The following ZFAND3 variants were observed in gnomAD, a reference collection of about 807,000 sequenced individuals.
The protein encoded by ZFAND3 is AN1-type zinc finger protein 3.
In ZFAND3, 10 loss-of-function variants were observed where a neutral mutation model predicts 29.6. The ratio of observed to expected loss-of-function variants is 0.34; its 90% confidence interval spans 0.21 to 0.57. The LOEUF (loss-of-function observed/expected upper bound fraction) is 0.57, where lower values mean the gene tolerates loss of function less well. ZFAND3 is among the 20% of genes least tolerant of loss of function. The probability of loss-of-function intolerance (pLI) is 0.86; values close to 1 mark genes in which losing one functional copy is unlikely to be tolerated. For missense variants in ZFAND3, 230 were observed against 304.5 expected, an observed-to-expected ratio of 0.76 and a Z score of 1.82; for synonymous variants, 128 against 112.6, an observed-to-expected ratio of 1.14 and a Z score of -0.87.
At chr6:38,132,865 A>T (rs11759816) in intron 5 of ZFAND3, among the ~76,000 whole-genome samples, 10,378 of 151,848 alleles carry the variant, frequency 0.068, 424 homozygotes, top group Non-Finnish European at 0.087. Flanking sequence ...ATTCCCCCTC[A>T]CTCTGCCCTC....
intron 2 of ZFAND3, among the ~76,000 whole-genome samples, chr6:37,970,912 ACAAAC>A (rs60184681): frequency 0.069 from 10,434 of 151,296 alleles, 423 homozygotes; most frequent in Non-Finnish European, 0.087. Context: ...CTCAAAACAA[ACAAAC>A]CAAACAAACA....
intron 4 of ZFAND3, among the ~76,000 whole-genome samples, chr6:38,105,355 T>C (rs941719307): frequency 6.6e-6 from 1 of 152,064 alleles, no homozygotes; most frequent in Non-Finnish European, 1.5e-5. Context: ...CCGTGACCTG[T>C]GATCATGCCA....
chr6:38,088,243 A>G (rs1360786934), intron 4 of ZFAND3: 1 of 152,194 alleles, frequency 6.6e-6, no homozygotes, highest in Non-Finnish European at 1.5e-5. Flanking sequence ...TTGCAACAAC[A>G]TGGATGGAAC....
At chr6:37,880,523 C>T (rs925542147) in intron 1 of ZFAND3, among the ~76,000 whole-genome samples, 1 of 152,008 alleles carries the variant, frequency 6.6e-6, no homozygotes, top group African/African-American at 2.4e-5. Context: ...GAAAAGTCCT[C>T]CAGGATGAGA....
chr6:38,099,389 C>T (rs1374045989), intron 4 of ZFAND3, among the ~76,000 whole-genome samples: 1 of 152,198 alleles, frequency 6.6e-6, no homozygotes. Flanking sequence ...ATTTCTAGTG[C>T]ATACACATAC....
At chr6:38,141,011 A>C (rs973873508) in intron 5 of ZFAND3, among the ~76,000 whole-genome samples, 1 of 138,694 alleles carries the variant, frequency 7.2e-6, no homozygotes, top group Non-Finnish European at 1.6e-5. Context: ...CAGTCTTATA[A>C]CAGTGGACAG....
intron 2 of ZFAND3, among the ~76,000 whole-genome samples, chr6:37,989,367 C>T (rs1358888722): frequency 6.6e-6 from 1 of 152,180 alleles, no homozygotes; most frequent in Non-Finnish European, 1.5e-5. Context: ...TCCAAGATTA[C>T]ATGCTGGCTA....
intron 2 of ZFAND3, among the ~76,000 whole-genome samples, chr6:38,055,710 C>T (rs1764121188): frequency 6.6e-6 from 1 of 152,178 alleles, no homozygotes; most frequent in African/African-American, 2.4e-5. Flanking sequence ...AGTTGAATTT[C>T]TCATCTCTAC....
rs12199417 is a variant in ZFAND3, at chr6:37,900,995, C to T, written c.72-28964C>T. On this transcript the variant is annotated intron_variant, in intron 1 of 5. Coordinates refer to ENST00000287218, the MANE Select transcript of ZFAND3 (RefSeq NM_021943.3). ...AAGACAGGAGTGGGAATGAGACATA[C>T]GTTTCACTAGTACTTTTTTTGTGCC... Among the ~76,000 whole-genome samples the T allele has an allele frequency of 8.3e-3, 1,255 of 151,866 alleles. 6 individuals carry two copies. Among genetic ancestry groups the T allele is most frequent in the Non-Finnish European group, 0.013 (899 of 67,994 alleles).
chr6:37,998,424 T>C (rs1421736799), intron 2 of ZFAND3, among the ~76,000 whole-genome samples: 3 of 151,892 alleles, frequency 2.0e-5, no homozygotes, highest in Non-Finnish European at 4.4e-5. Context: ...GCACAAAGAA[T>C]GAATTTTAAT....
rs1766279245 is a variant in ZFAND3 at position 38,153,468 on chromosome 6, A to G, written c.*1079A>G. 1.0e-6 allele frequency: 1 copy of G among 985,584 alleles called. No individual in the cohort carries two copies. The highest frequency in any genetic ancestry group is 1.2e-6 in the Non-Finnish European group (1 of 830,088). The allele number at this position is 985,584 out of a possible 1,614,324, so 61.1% of individuals were successfully genotyped here. On this transcript the variant is annotated 3_prime_UTR_variant, in exon 6 of 6. Coordinates refer to ENST00000287218, the MANE Select transcript of ZFAND3 (RefSeq NM_021943.3). ...AGGACACCCAGTCCACATCTACCAT[A>G]TAGCAAGTTTAGTAAGGGAAGGCAG...
chr6:37,931,191 C>T (rs1761587855), intron 2 of ZFAND3, among the ~76,000 whole-genome samples: 1 of 152,070 alleles, frequency 6.6e-6, no homozygotes. Flanking sequence ...GAGTACAGCT[C>T]AAAGGGACAG....
chr6:38,044,355 A>G (rs1310094983), intron 2 of ZFAND3, among the ~76,000 whole-genome samples: 1 of 152,214 alleles, frequency 6.6e-6, no homozygotes, highest in East Asian at 1.9e-4. Context: ...ATTTGGTTGA[A>G]AGTAAGTCTA....
intron 3 of ZFAND3, among the ~76,000 whole-genome samples, chr6:38,079,362 C>T (rs1427851001): frequency 6.6e-6 from 1 of 152,122 alleles, no homozygotes; most frequent in African/African-American, 2.4e-5. Context: ...GTTTAACAAG[C>T]TCTCTGGAGA....
chr6:37,903,550 G>A (rs1765356859), intron 1 of ZFAND3, among the ~76,000 whole-genome samples: 1 of 152,156 alleles, frequency 6.6e-6, no homozygotes, highest in Non-Finnish European at 1.5e-5. Context: ...ATTCCGTTTA[G>A]TAGAGTAAGA....
At chr6:37,902,737 C>CTTTTTTTT (rs11448512) in intron 1 of ZFAND3, among the ~76,000 whole-genome samples, 4 of 100,420 alleles carry the variant, frequency 4.0e-5, no homozygotes, top group South Asian at 3.8e-4. Flanking sequence ...CTTTTACTTA[C>CTTTTTTTT]TTTTTTTTTT....
intron 2 of ZFAND3, among the ~76,000 whole-genome samples, chr6:37,964,333 A>G (rs1161304802): frequency 6.6e-6 from 1 of 152,212 alleles, no homozygotes; most frequent in Non-Finnish European, 1.5e-5. Flanking sequence ...TAGCCAGTCT[A>G]TAACTTCTGA....
At chr6:38,070,722 A>G (rs1764438450) in intron 3 of ZFAND3, among the ~76,000 whole-genome samples, 1 of 152,192 alleles carries the variant, frequency 6.6e-6, no homozygotes, top group Admixed American at 6.5e-5. Context: ...GTCAGAGAAT[A>G]TGTATATTTA....
At chr6:38,071,108 T>C (rs1202905981) in intron 3 of ZFAND3, among the ~76,000 whole-genome samples, 4 of 151,634 alleles carry the variant, frequency 2.6e-5, no homozygotes, top group African/African-American at 9.7e-5. Flanking sequence ...TAAGTATTTG[T>C]TACATATATG....
Sources: gnomAD v4.1 joint callset for allele counts (sites outside exome capture counted in the v4.1 genomes callset) on GRCh38, gnomAD v4.1.1 for gene constraint, MANE v1.5 for transcripts, NCBI Gene and HGNC (gene_info 2026-07-23, HGNC 2026-07-21) for gene names.